The following FOXO3 variants were observed in gnomAD, a reference collection of about 807,000 sequenced individuals.
FOXO3 encodes forkhead box protein O3.
A neutral mutation model predicts 41.9 loss-of-function variants in FOXO3; 4 were observed. The observed-to-expected ratio is 0.10, with a 90% CI of 0.05 to 0.22. The LOEUF (loss-of-function observed/expected upper bound fraction) is 0.22, where lower values mean the gene tolerates loss of function less well. FOXO3 is among the 10% of genes least tolerant of loss of function. The probability of loss-of-function intolerance (pLI) is 1.00; values close to 1 mark genes in which losing one functional copy is unlikely to be tolerated. For synonymous variants in FOXO3, 318 were observed against 389.3 expected (o/e 0.82, Z 2.16); for missense variants, 534 against 906.8 (o/e 0.59, Z 5.28).
intron 2 of FOXO3, among the ~76,000 whole-genome samples, chr6:108,672,313 G>T (rs1438586209): frequency 2.0e-5 from 3 of 152,128 alleles, no homozygotes; most frequent in South Asian, 2.1e-4. Context: ...ACAATTTGAG[G>T]TTCAGAAAAG....
At chr6:108,658,757 T>A (rs1415868216) in intron 1 of FOXO3, among the ~76,000 whole-genome samples, 1 of 152,214 alleles carries the variant, frequency 6.6e-6, no homozygotes, top group African/African-American at 2.4e-5. Context: ...CTGTCCTCTT[T>A]AGAATGAATG....
At position 108,596,798 on chromosome 6, in the gene FOXO3, C is replaced by A. The variant is rs61067373; in HGVS notation, c.621+34969C>A. ...GGACTTCAGGATGCGTACCAGCAGA[C>A]TGAAGCCCATAAGTCCTGCAGTAAA... is the stretch of plus-strand genomic sequence containing the variant. On this transcript the variant is annotated intron_variant, in intron 1 of 2. Coordinates refer to ENST00000406360, the MANE Select transcript of FOXO3 (RefSeq NM_001455.4). Among the ~76,000 whole-genome samples, 1,428 of 152,288 alleles carry A rather than the reference C, an allele frequency of 9.4e-3. 22 individuals are homozygous for A. Among genetic ancestry groups the A allele is most frequent in the African/African-American group, 0.033 (1,354 of 41,558 alleles).
chr6:108,661,064 A>T (rs1305906240), intron 1 of FOXO3, among the ~76,000 whole-genome samples: 2 of 151,640 alleles, frequency 1.3e-5, no homozygotes, highest in Non-Finnish European at 2.9e-5. Context: ...TATCTCAAAT[A>T]AAAAAAAGAA....
intron 1 of FOXO3, among the ~76,000 whole-genome samples, chr6:108,652,520 G>T (rs574300398): frequency 1.3e-5 from 2 of 152,288 alleles, no homozygotes; most frequent in South Asian, 4.1e-4. Flanking sequence ...GGTCAGTTTG[G>T]TGACTTCAGA....
intron 1 of FOXO3, among the ~76,000 whole-genome samples, chr6:108,658,612 G>A (rs1179326905): frequency 3.3e-5 from 5 of 150,214 alleles, no homozygotes; most frequent in Non-Finnish European, 7.4e-5. Context: ...CAGTGGAGAT[G>A]GGGTTTCGCC....
intron 2 of FOXO3, among the ~76,000 whole-genome samples, chr6:108,667,890 A>G (rs567643340): frequency 3.2e-4 from 48 of 152,296 alleles, no homozygotes; most frequent in African/African-American, 1.0e-3. Context: ...GAGGGGATCT[A>G]GTTTCTGGTT....
chr6:108,644,907 T>C (rs1044750002), intron 1 of FOXO3, among the ~76,000 whole-genome samples: 5 of 152,178 alleles, frequency 3.3e-5, no homozygotes, highest in African/African-American at 4.8e-5. Flanking sequence ...GTCTGTCCCT[T>C]ACCTCCCTCT....
Position 108,680,227 on chromosome 6 carries a change from C to T in FOXO3, c.*435C>T, listed in dbSNP as rs181057570. On this transcript the variant is annotated 3_prime_UTR_variant, in exon 3 of 3. Transcript: ENST00000406360. ...TGAGTTTTTCACATGCATTAACTTG[C>T]GGTATTTTTCTGTTAAAATGTTAAC... 1.3e-5 allele frequency: 2 copies of T among 152,482 alleles called. No individual in the cohort carries two copies. Among genetic ancestry groups the T allele is most frequent in the Non-Finnish European group, 2.9e-5 (2 of 68,038 alleles). The allele number at this position is 152,482 out of a possible 1,614,324, so 9.4% of individuals were successfully genotyped here.
intron 2 of FOXO3, among the ~76,000 whole-genome samples, chr6:108,666,001 AC>A (rs1779048240): frequency 6.6e-6 from 1 of 150,438 alleles, no homozygotes; most frequent in Non-Finnish European, 1.5e-5. Flanking sequence ...TGTTCTCAGA[AC>A]CACAAAGATC....
At chr6:108,649,564 G>A (rs1260964652) in intron 1 of FOXO3, among the ~76,000 whole-genome samples, 1 of 107,888 alleles carries the variant, frequency 9.3e-6, no homozygotes, top group Non-Finnish European at 1.7e-5. Flanking sequence ...TCACTGTGTT[G>A]CCCAAGCTGG....
At chr6:108,566,480 CAAAGATCTTCATG>C (rs1775949694) in intron 1 of FOXO3, among the ~76,000 whole-genome samples, 1 of 152,150 alleles carries the variant, frequency 6.6e-6, no homozygotes, top group South Asian at 2.1e-4. Flanking sequence ...ACCATCCATT[CAAAGATCTTCATG>C]AAAATGCAAA....
At chr6:108,600,496 A>T (rs1392703422) in intron 1 of FOXO3, among the ~76,000 whole-genome samples, 1 of 143,066 alleles carries the variant, frequency 7.0e-6, no homozygotes, top group African/African-American at 2.5e-5. Context: ...GCAGTGAGCC[A>T]AGATTGTGCC....
At chr6:108,625,253 T>C (rs148420616) in intron 1 of FOXO3, among the ~76,000 whole-genome samples, 1 of 152,342 alleles carries the variant, frequency 6.6e-6, no homozygotes, top group East Asian at 1.9e-4. Context: ...ATAATTGTTA[T>C]GTAGTTTCTA....
rs76802724 is a variant in FOXO3 at position 108,607,747 on chromosome 6, G to A, written c.621+45918G>A. 9.3e-3 allele frequency among the ~76,000 whole-genome samples: 1,408 copies of A among 152,116 alleles called. 7 individuals are homozygous for A. Among genetic ancestry groups the A allele is most frequent in the Middle Eastern group, 0.014 (4 of 294 alleles). On this transcript the variant is annotated intron_variant, in intron 1 of 2. Coordinates refer to ENST00000406360, the MANE Select transcript of FOXO3 (RefSeq NM_001455.4). ...GACTTGCAGATTATATTCTTTGGATGGCTTACTTCAGATGCTAAGGACAAA... is the reference window on the plus strand; with the variant it reads ...GACTTGCAGATTATATTCTTTGGATAGCTTACTTCAGATGCTAAGGACAAA...
intron 1 of FOXO3, among the ~76,000 whole-genome samples, chr6:108,634,879 G>T (rs1369044868): frequency 1.3e-5 from 2 of 151,842 alleles, no homozygotes; most frequent in Non-Finnish European, 2.9e-5. Flanking sequence ...TTTATATAAA[G>T]TTTAAAAATA....
intron 1 of FOXO3, among the ~76,000 whole-genome samples, chr6:108,637,616 A>T (rs944295682): frequency 2.6e-5 from 4 of 152,114 alleles, no homozygotes; most frequent in African/African-American, 2.4e-5. Flanking sequence ...TGATTCTGGA[A>T]GACTTTATTT....
Position 108,663,728 on chromosome 6 carries a change from A to C in FOXO3, c.895A>C (p.Ser299Arg). 1.2e-6 allele frequency: 2 copies of C among 1,613,732 alleles called. No individual in the cohort carries two copies. The highest frequency in any genetic ancestry group is 1.1e-5 in the South Asian group (1 of 91,044). Reference protein sequence around the residue: ...SKWPGSPTSRSSDELDAWTDF... With the variant: ...SKWPGSPTSRRSDELDAWTDF... ...GTGGCCTGGCAGCCCCACGTCACGC[A>C]GCAGTGATGAGCTGGATGCGTGGAC... Residue 299 changes from serine (S) to arginine (R), a missense_variant, in exon 2 of 3, where the codon AGC becomes CGC. Ser to Arg is a moderately radical substitution (Grantham distance 110, BLOSUM62 -1). Around this residue, in one of 8 missense-constraint regions of FOXO3, gnomAD observed 185 missense variants for 224.9 expected, o/e 0.82. Transcript: ENST00000406360.
intron 1 of FOXO3, among the ~76,000 whole-genome samples, chr6:108,594,289 AAAG>A (rs1776813787): frequency 6.6e-6 from 1 of 152,228 alleles, no homozygotes; most frequent in Admixed American, 6.5e-5. Flanking sequence ...TTAGAGAAAA[AAAG>A]GAGAGTCCCT....
At chr6:108,560,810 C>G (rs931679592), upstream of FOXO3, 102 of 418,640 alleles carry the variant, frequency 2.4e-4, no homozygotes, top group Middle Eastern at 6.7e-4. Flanking sequence ...CTCCCCGCCC[C>G]GCCGCCTAGC....
Sources: gnomAD v4.1 joint callset for allele counts (sites outside exome capture counted in the v4.1 genomes callset) on GRCh38, gnomAD v4.1.1 for gene constraint, gnomAD v4.1.1 regional missense constraint, MANE v1.5 for transcripts, NCBI Gene and HGNC (gene_info 2026-07-23, HGNC 2026-07-21) for gene names.